SOX6: variants seen among roughly 807,000 people sequenced by gnomAD.
The protein encoded by SOX6 is transcription factor SOX-6.
A neutral mutation model predicts 97.8 loss-of-function variants in SOX6; 11 were observed. The ratio of observed to expected loss-of-function variants is 0.11; its 90% confidence interval spans 0.07 to 0.19. The LOEUF (loss-of-function observed/expected upper bound fraction) is 0.19, where lower values mean the gene tolerates loss of function less well. Among genes scored for constraint, SOX6 ranks in the 10% least tolerant of loss-of-function variants. The pLI, the probability that SOX6 is intolerant of heterozygous loss-of-function variation, is 1.00. For synonymous variants in SOX6, 360 were observed against 371.4 expected (o/e 0.97, Z 0.35); for missense variants, 810 against 1,039.5 (o/e 0.78, Z 3.04).
intron 9 of SOX6, among the ~76,000 whole-genome samples, chr11:16,080,258 TAA>T (rs11354992): frequency 3.0e-3 from 320 of 106,144 alleles, no homozygotes; most frequent in Admixed American, 7.3e-3. Context: ...TTAAGAAAAC[TAA>T]AAAAAAAAAA....
chr11:16,513,069 A>G (rs1860904719), intron 4 of SOX6, among the ~76,000 whole-genome samples: 1 of 152,244 alleles, frequency 6.6e-6, no homozygotes, highest in Non-Finnish European at 1.5e-5. Context: ...TACTGAAAGA[A>G]AAACTCACTT....
At chr11:16,231,003 T>C (rs555581060) in intron 4 of SOX6, among the ~76,000 whole-genome samples, 3 of 151,872 alleles carry the variant, frequency 2.0e-5, no homozygotes, top group Non-Finnish European at 4.4e-5. Context: ...AAAATTAAGT[T>C]ATATTTCTAG....
At chr11:16,257,146 AT>A (rs1190908487) in intron 3 of SOX6, among the ~76,000 whole-genome samples, 1 of 151,910 alleles carries the variant, frequency 6.6e-6, no homozygotes, top group Non-Finnish European at 1.5e-5. Context: ...CATTTGATCT[AT>A]AGATTCAATG....
At chr11:15,979,042 C>CATATATATATATATATATATATATATAT (rs57062569) in intron 15 of SOX6, among the ~76,000 whole-genome samples, 3 of 107,098 alleles carry the variant, frequency 2.8e-5, no homozygotes, top group African/African-American at 7.3e-5. Flanking sequence ...ATATATTTTA[C>CATATATATATATATATATATATATATAT]ATATATATAT....
intron 12 of SOX6, among the ~76,000 whole-genome samples, chr11:16,034,131 A>G (rs1205364923): frequency 1.3e-5 from 2 of 152,208 alleles, no homozygotes; most frequent in Non-Finnish European, 2.9e-5. Context: ...CATAGGCAAG[A>G]GAACCCCAAA....
intron 9 of SOX6, among the ~76,000 whole-genome samples, chr11:16,068,748 T>C (rs576625462): frequency 1.3e-5 from 2 of 152,298 alleles, no homozygotes; most frequent in East Asian, 1.9e-4. Flanking sequence ...ATCTTTTCAG[T>C]CTAAACTCAA....
At chr11:16,225,327 T>C (rs1193776135) in intron 4 of SOX6, among the ~76,000 whole-genome samples, 4 of 151,940 alleles carry the variant, frequency 2.6e-5, no homozygotes, top group Admixed American at 2.6e-4. Flanking sequence ...CCACCAGATA[T>C]AACAATTGCT....
At chr11:16,517,861 CATT>C in intron 4 of SOX6, among the ~76,000 whole-genome samples, 1 of 152,202 alleles carries the variant, frequency 6.6e-6, no homozygotes, top group Non-Finnish European at 1.5e-5. Flanking sequence ...AAATATTTGT[CATT>C]ATTTATGCCA....
intron 1 of SOX6, among the ~76,000 whole-genome samples, chr11:16,464,580 C>T (rs956350089): frequency 3.3e-5 from 5 of 151,922 alleles, no homozygotes; most frequent in South Asian, 4.2e-4. Flanking sequence ...GTTTCCCAAC[C>T]CCCAAAACTA....
At chr11:16,141,167 A>G (rs947390842) in intron 6 of SOX6, among the ~76,000 whole-genome samples, 1 of 152,154 alleles carries the variant, frequency 6.6e-6, no homozygotes, top group Non-Finnish European at 1.5e-5. Context: ...GTGGTGAAAT[A>G]GTAAAGGTCA....
chr11:16,071,403 A>C (rs771772110), intron 9 of SOX6, among the ~76,000 whole-genome samples: 26 of 152,182 alleles, frequency 1.7e-4, no homozygotes, highest in Non-Finnish European at 3.8e-4. Flanking sequence ...ATGTCCTGGG[A>C]AGTGCCCAGA....
At chr11:16,174,130 A>G (rs1414728400) in intron 6 of SOX6, among the ~76,000 whole-genome samples, 1 of 150,454 alleles carries the variant, frequency 6.6e-6, no homozygotes, top group Non-Finnish European at 1.5e-5. Flanking sequence ...TTGTGAAGTT[A>G]GAAGGATGGT....
At chr11:16,447,073 C>T (rs1007951464) in intron 1 of SOX6, among the ~76,000 whole-genome samples, 1 of 150,142 alleles carries the variant, frequency 6.7e-6, no homozygotes, top group Non-Finnish European at 1.5e-5. Flanking sequence ...TTTTTCTTTT[C>T]TTCTGTGCAG....
chr11:16,698,920 A>C (rs1848072925), intron 3 of SOX6, among the ~76,000 whole-genome samples: 1 of 152,242 alleles, frequency 6.6e-6, no homozygotes, highest in Non-Finnish European at 1.5e-5. Flanking sequence ...AAGAGATATA[A>C]CAATAATGAA....
intron 5 of SOX6, among the ~76,000 whole-genome samples, 168 bp downstream of exon 5, chr11:16,186,615 T>C (rs1017343595): frequency 6.6e-6 from 1 of 151,910 alleles, no homozygotes; most frequent in Non-Finnish European, 1.5e-5. Flanking sequence ...CTCAAAATTC[T>C]TGAAGACCCT....
chr11:16,007,130 T>C (rs1296939787), intron 13 of SOX6, among the ~76,000 whole-genome samples: 1 of 152,224 alleles, frequency 6.6e-6, no homozygotes, highest in East Asian at 1.9e-4. Context: ...AAATGAATCC[T>C]TTGGCAATTT....
At chr11:16,078,117 A>G (rs1457822166) in intron 9 of SOX6, among the ~76,000 whole-genome samples, 8 of 152,228 alleles carry the variant, frequency 5.3e-5, no homozygotes, top group Non-Finnish European at 1.0e-4. Context: ...AAAAGGTGAT[A>G]ATTAGGGCAG....
At chr11:16,342,946 T>C (rs367705586) in intron 1 of SOX6, among the ~76,000 whole-genome samples, 3 of 151,862 alleles carry the variant, frequency 2.0e-5, no homozygotes, top group African/African-American at 7.2e-5. Flanking sequence ...GGAAAGGGAA[T>C]GCAAAAGAAT....
At chr11:16,488,509 A>C (rs1430990559) in intron 4 of SOX6, among the ~76,000 whole-genome samples, 1 of 152,166 alleles carries the variant, frequency 6.6e-6, no homozygotes, top group Non-Finnish European at 1.5e-5. Context: ...GACTCAGATG[A>C]AATGAGCTCA....
Sources: gnomAD v4.1 joint callset for allele counts (sites outside exome capture counted in the v4.1 genomes callset) on GRCh38, gnomAD v4.1.1 for gene constraint, MANE v1.5 for transcripts, NCBI Gene and HGNC (gene_info 2026-07-23, HGNC 2026-07-21) for gene names.